PRKAA1: variants seen among roughly 807,000 people sequenced by gnomAD.
PRKAA1 encodes the protein 5'-AMP-activated protein kinase catalytic subunit alpha-1.
Under a neutral mutation model 56.9 loss-of-function variants are expected in PRKAA1, and 23 were observed. The ratio of observed to expected loss-of-function variants is 0.40; its 90% CI spans 0.29 to 0.57. The LOEUF (loss-of-function observed/expected upper bound fraction) is 0.57. Among genes scored for constraint, PRKAA1 ranks in the 20% least tolerant of loss-of-function variants. The probability of loss-of-function intolerance (pLI) is 0.39; values close to 1 mark genes in which losing one functional copy is unlikely to be tolerated. For missense variants in PRKAA1, 413 were observed against 679.7 expected, an observed-to-expected ratio of 0.61 and a Z score of 4.36; for synonymous variants, 226 against 227.0, an observed-to-expected ratio of 1.00 and a Z score of 0.04.
chr5:40,766,178 T>A (rs1743425691), intron 6 of PRKAA1, among the ~76,000 whole-genome samples: 1 of 152,212 alleles, frequency 6.6e-6, no homozygotes, highest in South Asian at 2.1e-4. Flanking sequence ...GATAAAATCA[T>A]GCCGTGCCAT....
chr5:40,783,481 G>A (rs192558179), intron 1 of PRKAA1, among the ~76,000 whole-genome samples: 36 of 152,160 alleles, frequency 2.4e-4, no homozygotes, highest in African/African-American at 8.2e-4. Flanking sequence ...TTCCAAGGCC[G>A]AGTGCGGTGG....
chr5:40,765,289 CTG>C (rs1258811279), intron 6 of PRKAA1, 51 bp from the exon 7 acceptor site: 2 of 1,509,676 alleles, frequency 1.3e-6, no homozygotes, highest in Admixed American at 2.1e-5. Context: ...AGAGCTGAGA[CTG>C]AAAGTAACAG....
intron 1 of PRKAA1, among the ~76,000 whole-genome samples, chr5:40,788,947 A>G (rs969361948): frequency 6.6e-6 from 1 of 152,312 alleles, no homozygotes; most frequent in African/African-American, 2.4e-5. Flanking sequence ...ATGGTGGCTC[A>G]TGCCTGTAAT....
chr5:40,763,495 A>C (rs867027886), intron 8 of PRKAA1, among the ~76,000 whole-genome samples: 1 of 151,878 alleles, frequency 6.6e-6, no homozygotes, highest in Admixed American at 6.6e-5. Flanking sequence ...CTAGAACCCA[A>C]CTCTCCTAAG....
chr5:40,768,856 C>T (rs1277949346), intron 5 of PRKAA1: 8 of 1,523,624 alleles, frequency 5.3e-6, no homozygotes, highest in Admixed American at 4.2e-5. Context: ...ATTCAAAAAG[C>T]GACACTGTAC....
Position 40,763,028 on chromosome 5 carries a change from T to C in PRKAA1, c.1436-6A>G, listed in dbSNP as rs1411591191. 1.2e-6 allele frequency: 2 copies of C among 1,613,272 alleles called. No homozygotes were observed. The highest frequency in any genetic ancestry group is 1.7e-6 in the Non-Finnish European group (2 of 1,179,384). ...TTTGGCTTCTGTAATTTCATCTGGGTAAAAAGAATTTCAATTTATTATAGT... is the reference window on the plus strand; with the variant it reads ...TTTGGCTTCTGTAATTTCATCTGGGCAAAAAGAATTTCAATTTATTATAGT... On this transcript the variant is annotated splice_region_variant and splice_polypyrimidine_tract_variant and intron_variant, in intron 8 of 8. Transcript: ENST00000397128.
At chr5:40,785,604 G>A (rs1744434606) in intron 1 of PRKAA1, among the ~76,000 whole-genome samples, 1 of 152,016 alleles carries the variant, frequency 6.6e-6, no homozygotes, top group East Asian at 1.9e-4. Context: ...AACTAAGAAA[G>A]AAAGCATAAA....
chr5:40,780,191 G>A (rs1744208005), intron 1 of PRKAA1, among the ~76,000 whole-genome samples: 1 of 152,068 alleles, frequency 6.6e-6, no homozygotes, highest in Non-Finnish European at 1.5e-5. Context: ...TTATTGCTTG[G>A]CCATTGCAAT....
rs1743221786 is a variant in PRKAA1, at chr5:40,762,189, T to G, written c.*589A>C. On this transcript the variant is annotated 3_prime_UTR_variant, in exon 9 of 9. Transcript: ENST00000397128. ...CAGGAAGCTGAGGCGGGAGAATCAC[T>G]TGAACCCGGGAGGTGGAGGTTGCAG... is the stretch of plus-strand genomic sequence containing the variant. 2 of 152,674 alleles carry G rather than the reference T, an allele frequency of 1.3e-5. No individual in the cohort carries two copies. The highest frequency in any genetic ancestry group is 1.3e-4 in the Admixed American group (2 of 15,274). The allele number at this position is 152,674 out of a possible 1,614,324, so 9.5% of individuals were successfully genotyped here. A position where few individuals can be genotyped will look rare whatever the true frequency, so the allele number is the denominator to read the frequency against.
chr5:40,775,720 G>A (rs190294287), intron 2 of PRKAA1, among the ~76,000 whole-genome samples: 139 of 152,242 alleles, frequency 9.1e-4, no homozygotes, highest in Non-Finnish European at 5.4e-4. Flanking sequence ...AACATGCTAT[G>A]AAGAAAAATA....
At chr5:40,768,584 T>C (rs1743579632) in intron 5 of PRKAA1, 25 of 1,034,600 alleles carry the variant, frequency 2.4e-5, no homozygotes, top group Non-Finnish European at 2.9e-5. Flanking sequence ...CCTGCCTTAC[T>C]CACAGCCATA....
At chr5:40,768,702 C>A in intron 5 of PRKAA1, 1 of 1,282,798 alleles carries the variant, frequency 7.8e-7, no homozygotes. Flanking sequence ...AAAACATTCA[C>A]ACAAATAAGC....
rs1289485264 is a variant in PRKAA1, at chr5:40,775,507, G to T, written c.270-4C>A. ...TGGTGTACTGATGACCTGGTACCTG[G>T]TGAGAGAAAACATTGTCTACAAATA... On this transcript the variant is annotated splice_region_variant and splice_polypyrimidine_tract_variant and intron_variant, in intron 2 of 8. Coordinates refer to ENST00000397128, the MANE Select transcript of PRKAA1 (RefSeq NM_006251.6). The T allele has an allele frequency of 2.5e-6, 4 of 1,569,724 alleles. No homozygotes were observed. The highest frequency in any genetic ancestry group is 3.5e-6 in the Non-Finnish European group (4 of 1,140,278).
At chr5:40,782,742 G>A (rs941078504) in intron 1 of PRKAA1, among the ~76,000 whole-genome samples, 1 of 151,914 alleles carries the variant, frequency 6.6e-6, no homozygotes, top group Non-Finnish European at 1.5e-5. Context: ...GAGGAAATTA[G>A]CAAAAATAGG....
At chr5:40,786,453 AGTTT>A (rs1243374405) in intron 1 of PRKAA1, among the ~76,000 whole-genome samples, 1 of 152,014 alleles carries the variant, frequency 6.6e-6, no homozygotes, top group Non-Finnish European at 1.5e-5. Context: ...GGATATAGTT[AGTTT>A]ATCAGTTGAA....
In PRKAA1 at chr5:40,771,774, C is replaced by T. The variant is rs566791411; in HGVS notation, c.453G>A (p.Leu151=). The T allele has an allele frequency of 1.2e-6, 2 of 1,613,508 alleles. No homozygotes were observed. Among genetic ancestry groups the T allele is most frequent in the Admixed American group, 3.3e-5 (2 of 59,834 alleles). The stretch of plus-strand genomic sequence containing the variant: ...CATCAAGCAGGACATTTTCAGGTTT[C>T]AAATCTCTATGGACCACCATATGCC... The part of the protein sequence containing the change: ...CHRHMVVHRD[L]KPENVLLDAH... Residue 151 remains leucine, a synonymous_variant, in exon 4 of 9, where the codon TTG becomes TTA. Coordinates refer to ENST00000397128, the MANE Select transcript of PRKAA1 (RefSeq NM_006251.6).
rs190160410 is a variant in PRKAA1, at chr5:40,792,872, G to A, written c.127+5191C>T. Among the ~76,000 whole-genome samples the A allele has an allele frequency of 4.2e-3, 639 of 151,982 alleles. 4 individuals carry two copies. Among genetic ancestry groups the A allele is most frequent in the African/African-American group, 0.015 (613 of 41,448 alleles). On this transcript the variant is annotated intron_variant, in intron 1 of 8. Coordinates refer to ENST00000397128, the MANE Select transcript of PRKAA1 (RefSeq NM_006251.6). ...GAGGTCAGGAGTTCGAGACTAACCT[G>A]GCCGACGTGGTGAAACCCCATCTCT...
At chr5:40,780,802 C>T (rs894221658) in intron 1 of PRKAA1, among the ~76,000 whole-genome samples, 7 of 152,260 alleles carry the variant, frequency 4.6e-5, no homozygotes, top group East Asian at 1.9e-4. Flanking sequence ...TGGTGGCCAC[C>T]GCTATTGAGG....
Position 40,764,599 on chromosome 5 carries a change from A to T in PRKAA1, c.1350T>A (p.Pro450=), listed in dbSNP as rs755006001. The T allele has an allele frequency of 6.2e-6, 10 of 1,614,032 alleles. No homozygotes were observed. The highest frequency in any genetic ancestry group is 7.6e-6 in the Non-Finnish European group (9 of 1,179,950). The change falls in exon 8 of 9, where the codon CCT becomes CCA. Residue 450 remains proline, a synonymous_variant. Transcript: ENST00000397128. ...PYYLRVRRKN[P]VTSTYSKMSL... is the part of the protein sequence containing the mutation. ...TCATTTTGGAGTAAGTGCTTGTCACAGGATTCTTCCTTCGTACACGCAAAT... is the reference window on the plus strand; with the variant it reads ...TCATTTTGGAGTAAGTGCTTGTCACTGGATTCTTCCTTCGTACACGCAAAT...
Sources: allele counts gnomAD v4.1 joint callset (sites outside exome capture counted in the v4.1 genomes callset), GRCh38; gene constraint gnomAD v4.1.1; transcripts MANE v1.5; gene names NCBI Gene and HGNC (gene_info 2026-07-23, HGNC 2026-07-21).